The following RAD51B variants were observed in gnomAD, a reference collection of about 807,000 sequenced individuals.
The protein encoded by RAD51B is RAD51 paralog B, also known as DNA repair protein RAD51 homolog 2.
Under a neutral mutation model 42.2 loss-of-function variants are expected in RAD51B, and 38 were observed. That is an observed-to-expected ratio of 0.90 (90% CI 0.70 to 1.18). The LOEUF is 1.18. RAD51B is among the 50% of genes most tolerant of loss of function. The pLI, the probability that RAD51B is intolerant of heterozygous loss-of-function variation, is 0.00. For missense variants in RAD51B, 373 were observed against 400.7 expected (o/e 0.93, Z 0.59); for synonymous variants, 154 against 145.2 (o/e 1.06, Z -0.43).
chr14:68,609,659 C>CT (rs1158287725), intron 10 of RAD51B, among the ~76,000 whole-genome samples: 1 of 152,204 alleles, frequency 6.6e-6, no homozygotes, highest in Admixed American at 6.5e-5. Context: ...ATGGCGTCCT[C>CT]TTCCTTGTCC....
intron 10 of RAD51B, among the ~76,000 whole-genome samples, chr14:68,585,886 G>C (rs1048111968): frequency 6.6e-6 from 1 of 152,108 alleles, no homozygotes; most frequent in Admixed American, 6.5e-5. Flanking sequence ...GAGCTGCAGA[G>C]GGGGGAGACA....
chr14:68,004,781 CCACCTACT>C (rs780978351), intron 7 of RAD51B, among the ~76,000 whole-genome samples: 6 of 152,172 alleles, frequency 3.9e-5, no homozygotes, highest in Non-Finnish European at 7.4e-5. Flanking sequence ...CTGAGGGTGA[CCACCTACT>C]CCAGTTTCTA....
intron 7 of RAD51B, among the ~76,000 whole-genome samples, chr14:68,247,964 G>A (rs1449637870): frequency 6.6e-6 from 1 of 152,142 alleles, no homozygotes; most frequent in African/African-American, 2.4e-5. Flanking sequence ...TGATCCTCAG[G>A]ACAGTGTTGT....
intron 7 of RAD51B, among the ~76,000 whole-genome samples, chr14:67,991,516 A>G (rs1457838377): frequency 1.3e-5 from 2 of 152,196 alleles, no homozygotes; most frequent in African/African-American, 4.8e-5. Flanking sequence ...GGGATATGAT[A>G]TAAAAATACG....
At chr14:68,549,691 G>A (rs1888433170) in intron 10 of RAD51B, among the ~76,000 whole-genome samples, 1 of 151,090 alleles carries the variant, frequency 6.6e-6, no homozygotes, top group Non-Finnish European at 1.5e-5. Context: ...TGGGATTACA[G>A]GCGTGAGCCA....
At chr14:68,450,475 G>A (rs892036722) in intron 9 of RAD51B, among the ~76,000 whole-genome samples, 1 of 152,024 alleles carries the variant, frequency 6.6e-6, no homozygotes, top group African/African-American at 2.4e-5. Flanking sequence ...CGCCTTGGCC[G>A]CCCGAAGTGC....
At chr14:68,082,023 C>T (rs917936732) in intron 7 of RAD51B, among the ~76,000 whole-genome samples, 5 of 151,534 alleles carry the variant, frequency 3.3e-5, no homozygotes, top group Admixed American at 1.3e-4. Context: ...TGCAGTGGTG[C>T]GATCTCGGCT....
chr14:68,115,311 G>C (rs9671238), intron 7 of RAD51B, among the ~76,000 whole-genome samples: 4,261 of 122,168 alleles, frequency 0.035, 145 homozygotes, highest in African/African-American at 0.13. Context: ...AACCAAACAC[G>C]GCATATTCTC....
intron 7 of RAD51B, among the ~76,000 whole-genome samples, chr14:68,031,405 C>T (rs1420218716): frequency 6.6e-6 from 1 of 152,064 alleles, no homozygotes. Context: ...GGACACAGAG[C>T]CAAACCATAT....
chr14:68,520,104 A>AAAAC (rs58074457), intron 10 of RAD51B, among the ~76,000 whole-genome samples: 33,597 of 151,752 alleles, frequency 0.22, 5,467 homozygotes, highest in African/African-American at 0.46. Context: ...CAGCCAAAAC[A>AAAAC]AAACAAACAA....
At chr14:68,215,660 T>TA (rs2079800031) in intron 7 of RAD51B, among the ~76,000 whole-genome samples, 1 of 152,196 alleles carries the variant, frequency 6.6e-6, no homozygotes, top group Admixed American at 6.5e-5. Flanking sequence ...ACTAGGTTGT[T>TA]ACCACTGGAG....
At chr14:68,596,687 G>A (rs368315951), downstream of RAD51B, among the ~76,000 whole-genome samples, 36 of 152,368 alleles carry the variant, frequency 2.4e-4, no homozygotes, top group African/African-American at 8.7e-4. Flanking sequence ...CCTGGCACAC[G>A]CCATTTCTGT....
Position 68,638,736 on chromosome 14 carries a change from G to C in RAD51B, c.1037-12045G>C, listed in dbSNP as rs111258700. 4.6e-5 allele frequency among the ~76,000 whole-genome samples: 7 copies of C among 152,226 alleles called. 1 individual carries two copies. The highest frequency in any genetic ancestry group is 2.1e-4 in the South Asian group (1 of 4,830). On this transcript the variant is annotated intron_variant, in intron 10 of 11. Transcript: ENST00000488612. ...AACCTGCGCAGCACTGCAGTGCAGC[G>C]CAACTGATCAGTCCCACGTGACGCA...
At chr14:68,571,232 A>G (rs958626158) in intron 10 of RAD51B, among the ~76,000 whole-genome samples, 1 of 152,228 alleles carries the variant, frequency 6.6e-6, no homozygotes, top group African/African-American at 2.4e-5. Context: ...AGTTCAAACC[A>G]GATTCAATTT....
chr14:68,608,185 A>G (rs927283057), intron 10 of RAD51B, among the ~76,000 whole-genome samples: 2 of 152,210 alleles, frequency 1.3e-5, no homozygotes, highest in Admixed American at 6.5e-5. Flanking sequence ...GGCCTCCCCA[A>G]CCCTCTCCAA....
At chr14:68,402,905 T>G (rs541848625) in intron 8 of RAD51B, among the ~76,000 whole-genome samples, 1 of 152,324 alleles carries the variant, frequency 6.6e-6, no homozygotes, top group East Asian at 1.9e-4. Flanking sequence ...CAAGGCCTAC[T>G]CTGAGGTTCT....
intron 9 of RAD51B, among the ~76,000 whole-genome samples, chr14:68,445,824 C>A (rs1053848020): frequency 6.6e-6 from 1 of 152,134 alleles, no homozygotes; most frequent in African/African-American, 2.4e-5. Flanking sequence ...AAGTGATTGA[C>A]TTGGTGAATG....
intron 7 of RAD51B, among the ~76,000 whole-genome samples, chr14:67,999,233 C>G (rs1344184062): frequency 6.6e-6 from 1 of 151,998 alleles, no homozygotes; most frequent in Non-Finnish European, 1.5e-5. Flanking sequence ...AGATCTGGTA[C>G]TAGTTATTCT....
chr14:68,201,871 T>A (rs1002908191), intron 7 of RAD51B, among the ~76,000 whole-genome samples: 1 of 152,100 alleles, frequency 6.6e-6, no homozygotes, highest in African/African-American at 2.4e-5. Flanking sequence ...CTGATTTGGA[T>A]TGGCATAGAA....
Sources: allele counts gnomAD v4.1 joint callset (sites outside exome capture counted in the v4.1 genomes callset), GRCh38; gene constraint gnomAD v4.1.1; transcripts MANE v1.5; gene names NCBI Gene and HGNC (gene_info 2026-07-23, HGNC 2026-07-21).